Variants in UQCRH observed in about 807,000 individuals in gnomAD.
The protein encoded by UQCRH is ubiquinol-cytochrome c reductase hinge protein, also known as cytochrome b-c1 complex subunit 6, mitochondrial.
UQCRH carries 14 observed loss-of-function variants against 16.3 expected under a neutral mutation model. That is an observed-to-expected ratio of 0.86 (90% CI 0.57 to 1.34). UQCRH has a LOEUF of 1.34. Among genes scored for constraint, UQCRH ranks in the 40% most tolerant of loss-of-function variants. The probability of loss-of-function intolerance (pLI) is 0.00; values close to 1 mark genes in which losing one functional copy is unlikely to be tolerated. For synonymous variants in UQCRH, 41 were observed against 41.9 expected, an observed-to-expected ratio of 0.98 and a Z score of 0.08; for missense variants, 89 against 111.9, an observed-to-expected ratio of 0.80 and a Z score of 0.92.
chr1:46,311,927 C>T (rs1165399375), intron 3 of UQCRH, among the ~76,000 whole-genome samples: 2 of 149,602 alleles, frequency 1.3e-5, no homozygotes, highest in Non-Finnish European at 3.0e-5. Flanking sequence ...CTGCACCCAG[C>T]CTTTTTTTTT....
intron 3 of UQCRH, among the ~76,000 whole-genome samples, chr1:46,315,037 T>G (rs767474453): frequency 6.6e-6 from 1 of 152,090 alleles, no homozygotes; most frequent in Non-Finnish European, 1.5e-5. Flanking sequence ...CCTTGTGCGG[T>G]GGTTCACACC....
At chr1:46,315,358 C>T (rs1470346650) in intron 3 of UQCRH, among the ~76,000 whole-genome samples, 7 of 151,906 alleles carry the variant, frequency 4.6e-5, no homozygotes, top group Non-Finnish European at 7.4e-5. Context: ...GCAGGAGAAT[C>T]GCTTGAACCT....
Position 46,303,707 on chromosome 1 carries a change from C to T in UQCRH, c.-60C>T, listed in dbSNP as rs751045756. ...GTGACCCTTACAAGTCCTTCTTGAT[C>T]CTGAACTGGGTTAGGTGCCGCTGTT... On this transcript the variant is annotated 5_prime_UTR_variant, in exon 1 of 4. Coordinates refer to ENST00000311672, the MANE Select transcript of UQCRH (RefSeq NM_006004.4). 12 of 1,612,656 alleles carry T rather than the reference C, an allele frequency of 7.4e-6. No individual in the cohort carries two copies. The Admixed American group carries it at 1.0e-4, about 13-fold the overall frequency.
At chr1:46,314,076 TAAAAG>T (rs905152123) in intron 3 of UQCRH, among the ~76,000 whole-genome samples, 5 of 152,084 alleles carry the variant, frequency 3.3e-5, no homozygotes, top group Admixed American at 2.0e-4. Context: ...TATTCAGCCT[TAAAAG>T]AGAAGGGGGC....
At chr1:46,309,149 G>A in intron 2 of UQCRH, 22 bp downstream of exon 2, 1 of 1,607,178 alleles carries the variant, frequency 6.2e-7, no homozygotes, top group South Asian at 1.1e-5. Flanking sequence ...CTCAGGTTTG[G>A]AAACATCTCA....
chr1:46,305,424 A>G (rs1661353126), intron 1 of UQCRH, among the ~76,000 whole-genome samples: 1 of 150,502 alleles, frequency 6.6e-6, no homozygotes, highest in South Asian at 2.1e-4. Flanking sequence ...AAACTAGGGT[A>G]TTCTGGCCGG....
chr1:46,307,228 A>G (rs868325666), intron 1 of UQCRH, among the ~76,000 whole-genome samples: 6 of 152,108 alleles, frequency 3.9e-5, no homozygotes, highest in Middle Eastern at 3.2e-3. Flanking sequence ...TATTTTTAGT[A>G]GAGACGGGGT....
intron 2 of UQCRH, chr1:46,309,605 G>A (rs1661430966): frequency 5.5e-6 from 1 of 182,312 alleles, no homozygotes; most frequent in South Asian, 1.2e-4. Flanking sequence ...GAGAGGCGGA[G>A]GTTGTGGTGA....
chr1:46,315,042 C>G (rs1203250587), intron 3 of UQCRH, among the ~76,000 whole-genome samples: 1 of 152,030 alleles, frequency 6.6e-6, no homozygotes, highest in South Asian at 2.1e-4. Context: ...TGCGGTGGTT[C>G]ACACCTCCTA....
chr1:46,312,792 A>C (rs1661504473), intron 3 of UQCRH, among the ~76,000 whole-genome samples: 1 of 152,124 alleles, frequency 6.6e-6, no homozygotes, highest in South Asian at 2.1e-4. Flanking sequence ...ATTATACATA[A>C]GCAAAGTTTG....
chr1:46,313,939 G>T (rs1405332464), intron 3 of UQCRH, among the ~76,000 whole-genome samples: 2 of 152,108 alleles, frequency 1.3e-5, no homozygotes, highest in Non-Finnish European at 2.9e-5. Context: ...CAGAAGTATT[G>T]AGAGTAGGCT....
intron 1 of UQCRH, among the ~76,000 whole-genome samples, chr1:46,307,290 C>A (rs981123840): frequency 2.6e-5 from 4 of 152,278 alleles, no homozygotes; most frequent in African/African-American, 9.6e-5. Context: ...GGTGATCTGG[C>A]CACCTCAGCC....
rs370156737 is a variant in UQCRH, at chr1:46,310,268, G to A, written c.195G>A (p.Glu65=). 5.6e-6 allele frequency: 9 copies of A among 1,614,060 alleles called. No individual in the cohort carries two copies. The African/African-American group carries it at 8.0e-5, about 14-fold the overall frequency. ...TATCCTCTCGATCACATACAGAAGA[G>A]GATTGCACGGAGGAGCTCTTTGACT... ...ERVSSRSHTE[E]DCTEELFDFL... Residue 65 remains glutamate (E), a synonymous_variant, in exon 3 of 4, where the codon GAG becomes GAA. Coordinates refer to ENST00000311672, the MANE Select transcript of UQCRH (RefSeq NM_006004.4).
chr1:46,309,952 CTT>C, intron 2 of UQCRH: 6 of 1,446,546 alleles, frequency 4.1e-6, no homozygotes, highest in East Asian at 2.5e-5. Context: ...GAATGTGAAA[CTT>C]TTCCCTACTA....
intron 2 of UQCRH, 122 bp from the exon 3 acceptor site, chr1:46,310,033 G>A: frequency 1.3e-6 from 2 of 1,533,382 alleles, no homozygotes; most frequent in Non-Finnish European, 1.8e-6. Flanking sequence ...CTGCCAGCTG[G>A]CCTTCTGCAC....
chr1:46,307,905 G>A (rs555028779), intron 1 of UQCRH, among the ~76,000 whole-genome samples: 2 of 152,282 alleles, frequency 1.3e-5, no homozygotes, highest in African/African-American at 4.8e-5. Flanking sequence ...TGGGATGTAA[G>A]GACTAAATTT....
At chr1:46,307,111 T>C (rs1198093592) in intron 1 of UQCRH, among the ~76,000 whole-genome samples, 1 of 152,044 alleles carries the variant, frequency 6.6e-6, no homozygotes, top group African/African-American at 2.4e-5. Context: ...AGGGGTAGGA[T>C]CTTGGCTCCT....
intron 1 of UQCRH, among the ~76,000 whole-genome samples, chr1:46,306,635 G>A (rs1294236214): frequency 1.3e-5 from 2 of 152,152 alleles, no homozygotes; most frequent in Non-Finnish European, 2.9e-5. Flanking sequence ...GCCTCCCAAA[G>A]TGCTGGGATT....
Position 46,310,302 on chromosome 1 carries a change from G to A in UQCRH, c.229G>A (p.Ala77Thr), listed in dbSNP as rs1168549290. Residue 77 changes from alanine to threonine, a missense_variant, in exon 3 of 4, where the codon GCG becomes ACG. Transcript: ENST00000311672. Reference sequence around the variant, plus strand: ...GGAGGAGCTCTTTGACTTCTTGCATGCGAGGGACCATTGCGTAAGTCAGTG... The same window carrying A: ...GGAGGAGCTCTTTGACTTCTTGCATACGAGGGACCATTGCGTAAGTCAGTG... ...CTEELFDFLH[A>T]RDHCVAHKLF... 1 of 1,614,004 alleles carries A rather than the reference G, an allele frequency of 6.2e-7. No individual in the cohort carries two copies. Among genetic ancestry groups the A allele is most frequent in the Non-Finnish European group, 8.5e-7 (1 of 1,180,020 alleles).
Sources: gnomAD v4.1 joint callset for allele counts (sites outside exome capture counted in the v4.1 genomes callset) on GRCh38, gnomAD v4.1.1 for gene constraint, MANE v1.5 for transcripts, NCBI Gene and HGNC (gene_info 2026-07-23, HGNC 2026-07-21) for gene names.